The following TAF3 variants were observed in gnomAD, a reference collection of about 807,000 sequenced individuals.
The protein encoded by TAF3 is TATA-box binding protein associated factor 3.
In TAF3, 7 loss-of-function variants were observed where a neutral mutation model predicts 80.6. The ratio of observed to expected loss-of-function variants is 0.09; its 90% confidence interval spans 0.05 to 0.16. The LOEUF (loss-of-function observed/expected upper bound fraction) is 0.16, where lower values mean the gene tolerates loss of function less well. TAF3 is among the 10% of genes least tolerant of loss of function. The pLI, the probability that TAF3 is intolerant of heterozygous loss-of-function variation, is 1.00. For synonymous variants in TAF3, 444 were observed against 446.1 expected, an observed-to-expected ratio of 1.00 and a Z score of 0.06; for missense variants, 921 against 1,140.2, an observed-to-expected ratio of 0.81 and a Z score of 2.77.
intron 2 of TAF3, among the ~76,000 whole-genome samples, chr10:7,835,269 C>G (rs1836840469): frequency 1.3e-5 from 2 of 152,152 alleles, no homozygotes; most frequent in African/African-American, 4.8e-5. Context: ...AAGTTTACAA[C>G]TTTGTGTTGG....
At chr10:7,893,615 C>G (rs960726258) in intron 2 of TAF3, among the ~76,000 whole-genome samples, 1 of 152,002 alleles carries the variant, frequency 6.6e-6, no homozygotes, top group East Asian at 1.9e-4. Context: ...TTTTCACTCC[C>G]GTAGCGAGAT....
intron 4 of TAF3, among the ~76,000 whole-genome samples, chr10:7,995,445 G>T (rs146174337): frequency 5.6e-4 from 85 of 152,118 alleles, no homozygotes; most frequent in African/African-American, 1.9e-3. Flanking sequence ...TTGCCATTTT[G>T]GTTTCCTTTT....
At chr10:8,011,445 T>C (rs1192712164) in intron 5 of TAF3, among the ~76,000 whole-genome samples, 2 of 152,024 alleles carry the variant, frequency 1.3e-5, no homozygotes. Flanking sequence ...TGTTTGTTTG[T>C]TTTTGGTTTT....
At chr10:8,002,151 T>A (rs1263086720) in intron 4 of TAF3, among the ~76,000 whole-genome samples, 1 of 152,160 alleles carries the variant, frequency 6.6e-6, no homozygotes, top group Admixed American at 6.5e-5. Flanking sequence ...CTGTTCTCTC[T>A]CTTTCCTGCC....
chr10:7,929,592 G>A (rs1056721339), intron 2 of TAF3, among the ~76,000 whole-genome samples: 2 of 151,898 alleles, frequency 1.3e-5, no homozygotes, highest in African/African-American at 2.4e-5. Context: ...ACAAACTCCT[G>A]GACTCAAGTG....
intron 3 of TAF3, among the ~76,000 whole-genome samples, chr10:7,966,180 C>T (rs1047607400): frequency 2.6e-5 from 4 of 152,224 alleles, no homozygotes; most frequent in Non-Finnish European, 5.9e-5. Context: ...CAGCAAGGCC[C>T]GTGGAAGGAC....
intron 1 of TAF3, among the ~76,000 whole-genome samples, chr10:7,820,726 CTCAA>C (rs1330883835): frequency 6.6e-6 from 1 of 152,212 alleles, no homozygotes; most frequent in Non-Finnish European, 1.5e-5. Flanking sequence ...AACTCCTGGG[CTCAA>C]GTGATCCTCC....
intron 2 of TAF3, among the ~76,000 whole-genome samples, chr10:7,839,051 C>G (rs1214007740): frequency 6.6e-6 from 1 of 151,960 alleles, no homozygotes; most frequent in Non-Finnish European, 1.5e-5. Flanking sequence ...TAGCATAAAC[C>G]TACAGGGCCC....
At chr10:7,949,253 G>A (rs952197811) in intron 2 of TAF3, among the ~76,000 whole-genome samples, 3 of 152,218 alleles carry the variant, frequency 2.0e-5, no homozygotes, top group African/African-American at 7.2e-5. Flanking sequence ...CCACTGTAAC[G>A]AAATGCTGCC....
At chr10:7,901,350 A>G (rs891693492) in intron 2 of TAF3, among the ~76,000 whole-genome samples, 22 of 152,240 alleles carry the variant, frequency 1.4e-4, no homozygotes, top group African/African-American at 5.1e-4. Context: ...CACAGGGTGC[A>G]TGTTGGTCAC....
At chr10:7,863,536 A>G (rs1416392955) in intron 2 of TAF3, among the ~76,000 whole-genome samples, 1 of 146,898 alleles carries the variant, frequency 6.8e-6, no homozygotes, top group African/African-American at 2.5e-5. Flanking sequence ...CTTGAACCTC[A>G]GAGGCGGAGG....
intron 2 of TAF3, among the ~76,000 whole-genome samples, chr10:7,934,708 G>A (rs1169660347): frequency 1.3e-5 from 2 of 152,020 alleles, no homozygotes; most frequent in African/African-American, 4.8e-5. Flanking sequence ...GCCTCCCAAA[G>A]TGCTGGGATT....
At chr10:7,963,455 C>T (rs1369371974) in intron 2 of TAF3, among the ~76,000 whole-genome samples, 2 of 152,230 alleles carry the variant, frequency 1.3e-5, no homozygotes, top group African/African-American at 4.8e-5. Context: ...TCTGCTGTTA[C>T]TGACTGCCAC....
intron 4 of TAF3, among the ~76,000 whole-genome samples, chr10:7,998,783 G>T (rs1392643372): frequency 6.6e-6 from 1 of 151,400 alleles, no homozygotes; most frequent in African/African-American, 2.4e-5. Context: ...AGGTTGCAGT[G>T]AGCCGGGATC....
chr10:7,950,726 C>T (rs1177235716), intron 2 of TAF3, among the ~76,000 whole-genome samples: 1 of 152,222 alleles, frequency 6.6e-6, no homozygotes, highest in Non-Finnish European at 1.5e-5. Flanking sequence ...TGCCTGTTCC[C>T]AGCTGAGGTC....
At chr10:8,003,317 T>C (rs1410322597) in intron 4 of TAF3, among the ~76,000 whole-genome samples, 1 of 152,110 alleles carries the variant, frequency 6.6e-6, no homozygotes, top group Non-Finnish European at 1.5e-5. Context: ...GAAATTACCA[T>C]ACTTTATTCA....
At chr10:7,977,771 A>C (rs1831688294) in intron 4 of TAF3, among the ~76,000 whole-genome samples, 1 of 152,250 alleles carries the variant, frequency 6.6e-6, no homozygotes, top group Non-Finnish European at 1.5e-5. Flanking sequence ...CCTGTAAAAC[A>C]AAGAAATGCC....
intron 2 of TAF3, among the ~76,000 whole-genome samples, chr10:7,897,940 C>G (rs1297396339): frequency 6.6e-6 from 1 of 152,162 alleles, no homozygotes; most frequent in African/African-American, 2.4e-5. Context: ...GGATTATGGG[C>G]ATGAGCCACC....
chr10:7,840,842 TTTTC>T (rs777150808), intron 2 of TAF3, among the ~76,000 whole-genome samples: 9 of 152,138 alleles, frequency 5.9e-5, no homozygotes, highest in Non-Finnish European at 8.8e-5. Context: ...TCATGTTTTC[TTTTC>T]TTTCTTTCTT....
Sources: gnomAD v4.1 joint callset for allele counts (sites outside exome capture counted in the v4.1 genomes callset) on GRCh38, gnomAD v4.1.1 for gene constraint, MANE v1.5 for transcripts, NCBI Gene and HGNC (gene_info 2026-07-23, HGNC 2026-07-21) for gene names.